The following USP36 variants were observed in gnomAD, a reference collection of about 807,000 sequenced individuals.
USP36 encodes the protein ubiquitin specific peptidase 36, also known as ubiquitin carboxyl-terminal hydrolase 36.
USP36 carries 59 observed loss-of-function variants against 111.5 expected under a neutral mutation model. The ratio of observed to expected loss-of-function variants is 0.53; its 90% CI spans 0.43 to 0.66. The LOEUF (loss-of-function observed/expected upper bound fraction) is 0.66. Ranked by LOEUF, USP36 falls within the 30% of genes least tolerant of loss-of-function variation. The pLI is 0.00. For missense variants in USP36, 1,488 were observed against 1,468.0 expected (o/e 1.01, Z -0.22); for synonymous variants, 628 against 581.0 (o/e 1.08, Z -1.16).
At chr17:78,823,313 C>T (rs933421514) in intron 6 of USP36, 6 of 396,738 alleles carry the variant, frequency 1.5e-5, no homozygotes, top group Non-Finnish European at 2.2e-5. Flanking sequence ...TGGGTAGCTG[C>T]GTGTGATGGC....
At chr17:78,794,309 T>G (rs1161678174), downstream of USP36, among the ~76,000 whole-genome samples, 1 of 152,204 alleles carries the variant, frequency 6.6e-6, no homozygotes, top group Non-Finnish European at 1.5e-5. Context: ...CATCAGACCT[T>G]GGTAACCCTT....
intron 17 of USP36, among the ~76,000 whole-genome samples, chr17:78,801,697 T>C (rs1037675883): frequency 6.6e-6 from 1 of 152,068 alleles, no homozygotes; most frequent in Admixed American, 6.5e-5. Flanking sequence ...CCCAGCTACA[T>C]AGAGGGAGAG....
intron 2 of USP36, among the ~76,000 whole-genome samples, chr17:78,836,908 A>C (rs2068742886): frequency 1.3e-5 from 2 of 152,144 alleles, no homozygotes; most frequent in South Asian, 4.1e-4. Context: ...TGCACTCTTC[A>C]ATATGAAGGC....
chr17:78,800,980 T>G (rs962206160), intron 17 of USP36, among the ~76,000 whole-genome samples: 1 of 145,866 alleles, frequency 6.9e-6, no homozygotes, highest in Non-Finnish European at 1.5e-5. Flanking sequence ...TTTTTTTTTT[T>G]TTTTTTTTTT....
rs141805185 is a variant in USP36, at chr17:78,810,230, C to T, written c.1408-2594G>A. 2.6e-3 allele frequency among the ~76,000 whole-genome samples: 393 copies of T among 152,134 alleles called. 5 individuals are homozygous for T. The highest frequency in any genetic ancestry group is 9.2e-3 in the African/African-American group (383 of 41,518). On this transcript the variant is annotated intron_variant, in intron 13 of 20. Coordinates refer to ENST00000449938, the MANE Select transcript of USP36 (RefSeq NM_001385174.1). ...CTCAACCTCCCGGGTTCAAGTGATC[C>T]TCCCCCAACAGCTTACTGAATATTC...
chr17:78,835,166 T>C (rs2068543557), intron 4 of USP36, 114 bp downstream of exon 4: 5 of 1,104,190 alleles, frequency 4.5e-6, no homozygotes, highest in Admixed American at 2.3e-5. Flanking sequence ...TACTATACAT[T>C]ATGAACTACC....
At chr17:78,823,010 G>A (rs949827862) in intron 6 of USP36, 3 of 397,446 alleles carry the variant, frequency 7.5e-6, no homozygotes, top group African/African-American at 4.1e-5. Context: ...CTCTCTCCAC[G>A]TTTCCCACGG....
At chr17:78,827,853 G>A (rs62075632) in intron 5 of USP36, among the ~76,000 whole-genome samples, 20,818 of 152,286 alleles carry the variant, frequency 0.14, 1,847 homozygotes, top group Middle Eastern at 0.22. Context: ...AGGCTGCAGT[G>A]AGCTATGATC....
At position 78,821,958 on chromosome 17, in the gene USP36, C is replaced by G; in HGVS notation, c.736G>C (p.Gly246Arg). 2 of 1,614,126 alleles carry G rather than the reference C, an allele frequency of 1.2e-6. No individual in the cohort carries two copies. The highest frequency in any genetic ancestry group is 1.7e-6 in the Non-Finnish European group (2 of 1,180,014). Residue 246 changes from glycine to arginine, a missense_variant, in exon 7 of 21, where the codon GGA becomes CGA. Physicochemically the swap from Gly to Arg is moderately radical, Grantham distance 125. Transcript: ENST00000449938. ...QATTLVHQIF[G>R]GYLRSRVKCS... ...TTACCGCGTGATCTGAGATACCCTC[C>G]AAAAATTTGATGGACCAAGGTAGTA...
At chr17:78,833,502 G>T (rs2068349655) in intron 4 of USP36, among the ~76,000 whole-genome samples, 1 of 152,042 alleles carries the variant, frequency 6.6e-6, no homozygotes, top group Admixed American at 6.6e-5. Flanking sequence ...CCAGGCACTT[G>T]ACTCACTCAG....
Position 78,813,778 on chromosome 17 carries a change from A to G in USP36, c.1260T>C (p.Tyr420=). ...GGAGGGCGTGAGTTTATTACCGCAG[A>G]TAGAACAGCACGTAGGCCTGCTGGT... The part of the protein sequence containing the change: ...VLNQQAYVLF[Y]LRIPGSKKSP... Residue 420 remains tyrosine (Y), a synonymous_variant, in exon 12 of 21, where the codon TAT becomes TAC. Transcript: ENST00000449938. 1.9e-6 allele frequency: 3 copies of G among 1,613,998 alleles called. No individual in the cohort carries two copies. The highest frequency in any genetic ancestry group is 2.5e-6 in the Non-Finnish European group (3 of 1,179,912).
chr17:78,795,006 C>CGG (rs1242326842), downstream of USP36, among the ~76,000 whole-genome samples: 1 of 124,346 alleles, frequency 8.0e-6, no homozygotes, highest in African/African-American at 3.1e-5. This position sits in a 1 kb window ranked among gnomAD's most constrained non-coding sequence, Gnocchi z 4.5. Context: ...AGACTCTGTT[C>CGG]GGGAAAAAAA....
chr17:78,803,366 A>T lies in USP36; in HGVS notation c.2810+19T>A. On this transcript the variant is annotated intron_variant, in intron 16 of 20. Coordinates refer to ENST00000449938, the MANE Select transcript of USP36 (RefSeq NM_001385174.1). The surrounding 1 kb of genome is among the most constrained non-coding windows in gnomAD (Gnocchi z 4.6). ...TTCTCGTCAGAGGTAGACAGATGCCACTTTGCTCCTGCCCTTACCTGTGCC... is the reference window on the plus strand; with the variant it reads ...TTCTCGTCAGAGGTAGACAGATGCCTCTTTGCTCCTGCCCTTACCTGTGCC... The T allele has an allele frequency of 6.2e-7, 1 of 1,602,218 alleles. No individual in the cohort carries two copies. The highest frequency in any genetic ancestry group is 8.5e-7 in the Non-Finnish European group (1 of 1,171,618).
At chr17:78,806,706 T>C (rs1279263800) in intron 14 of USP36, among the ~76,000 whole-genome samples, 1 of 152,210 alleles carries the variant, frequency 6.6e-6, no homozygotes, top group Admixed American at 6.5e-5. Flanking sequence ...AGGGAACTGC[T>C]ACCTTGCCCA....
downstream of USP36, among the ~76,000 whole-genome samples, chr17:78,794,054 A>G (rs939906718): frequency 2.0e-5 from 3 of 152,142 alleles, no homozygotes; most frequent in Non-Finnish European, 4.4e-5. Flanking sequence ...AAATCATCTT[A>G]AACTCCACCC....
intron 6 of USP36, among the ~76,000 whole-genome samples, chr17:78,825,087 T>C (rs1174376829): frequency 6.6e-6 from 1 of 151,834 alleles, no homozygotes; most frequent in African/African-American, 2.4e-5. Context: ...TCCAAACAGA[T>C]GAAGGGGACA....
intron 4 of USP36, among the ~76,000 whole-genome samples, chr17:78,831,342 G>C (rs1392407002): frequency 6.6e-6 from 1 of 151,870 alleles, no homozygotes; most frequent in African/African-American, 2.4e-5. Context: ...AATGGCCATG[G>C]GGGCCCACAC....
chr17:78,826,049 A>G (rs1531798), intron 6 of USP36, among the ~76,000 whole-genome samples: 74,572 of 151,962 alleles, frequency 0.49, 18,510 homozygotes, highest in East Asian at 0.54. Context: ...TATGGGGCCC[A>G]GCACACAGGG....
chr17:78,818,633 C>A (rs200191789), intron 10 of USP36, 34 bp downstream of exon 10: 3 of 1,591,832 alleles, frequency 1.9e-6, no homozygotes, highest in Non-Finnish European at 2.6e-6. Flanking sequence ...CTGTGGCCCA[C>A]GGAGCTGCCT....
Sources: allele counts gnomAD v4.1 joint callset (sites outside exome capture counted in the v4.1 genomes callset), GRCh38; gene constraint gnomAD v4.1.1; non-coding constraint Gnocchi (gnomAD v3.1); transcripts MANE v1.5; gene names NCBI Gene and HGNC (gene_info 2026-07-23, HGNC 2026-07-21).